Variants in ITIH1 observed in about 807,000 individuals in gnomAD.
ITIH1 encodes the protein inter-alpha-trypsin inhibitor heavy chain 1, also known as inter-alpha-trypsin inhibitor heavy chain H1.
In ITIH1, 94 loss-of-function variants were observed where a neutral mutation model predicts 104.6. The ratio of observed to expected loss-of-function variants is 0.90; its 90% CI spans 0.76 to 1.07. ITIH1 has a LOEUF of 1.07. ITIH1 is among the 50% of genes least tolerant of loss of function. The pLI is 0.00. For synonymous variants in ITIH1, 455 were observed against 464.4 expected (o/e 0.98, Z 0.26); for missense variants, 1,193 against 1,181.4 (o/e 1.01, Z -0.14).
intron 10 of ITIH1, 102 bp downstream of exon 10, chr3:52,783,441 G>A (rs1393381069): frequency 4.5e-6 from 6 of 1,339,652 alleles, no homozygotes; most frequent in East Asian, 5.0e-5. Flanking sequence ...CCATCAGGGG[G>A]CAGAAAAGCT....
In ITIH1 at chr3:52,777,746, C is replaced by A. The variant is rs1578726245; in HGVS notation, c.117+14C>A. The A allele has an allele frequency of 6.4e-7, 1 of 1,561,056 alleles. No individual in the cohort carries two copies. Reference sequence around the variant, plus strand: ...AAGAGCAGCGAGGTATATGGCTAAGCCCACAGGGCAGAAATAGGCAGCTGA... The same window carrying A: ...AAGAGCAGCGAGGTATATGGCTAAGACCACAGGGCAGAAATAGGCAGCTGA... On this transcript the variant is annotated intron_variant, in intron 1 of 21. Coordinates refer to ENST00000273283, the MANE Select transcript of ITIH1 (RefSeq NM_002215.4).
Position 52,779,997 on chromosome 3 carries a change from G to A in ITIH1, c.574-272G>A. On this transcript the variant is annotated intron_variant, in intron 5 of 21. Transcript: ENST00000273283. This position sits in a 1 kb window ranked among gnomAD's most constrained non-coding sequence, Gnocchi z 4.4. ...ACACCTTCATTTGGTCAGTATTTTT[G>A]GAGTGCCTACTGAGTACCAGGCCCT... 7.2e-7 allele frequency: 1 copy of A among 1,395,332 alleles called. No individual in the cohort carries two copies. The highest frequency in any genetic ancestry group is 2.7e-5 in the East Asian group (1 of 37,436). The allele number at this position is 1,395,332 out of a possible 1,614,324, so 86.4% of individuals were successfully genotyped here.
In ITIH1 at chr3:52,779,520, GT is replaced by G; in HGVS notation, c.500del (p.Val167GlyfsTer2). On this transcript the variant is annotated frameshift_variant, in exon 5 of 22. Coordinates refer to ENST00000273283, the MANE Select transcript of ITIH1 (RefSeq NM_002215.4). LOFTEE classifies it high-confidence loss of function. The surrounding 1 kb of genome is among the most constrained non-coding windows in gnomAD (Gnocchi z 4.4). ...CACGTTTCAGCTGACTTATGAGGAA[GT>G]GCTGAAGAGAAACCATATGCAGTAT... ...KVTFQLTYEE[V>X]LKRNHMQYEI... The G allele has an allele frequency of 6.2e-7, 1 of 1,614,240 alleles. No individual in the cohort carries two copies. The highest frequency in any genetic ancestry group is 1.1e-5 in the South Asian group (1 of 91,084).
rs1324688732 is a variant in ITIH1, at chr3:52,789,643, T to C, written c.2120-10T>C. The C allele has an allele frequency of 6.2e-7, 1 of 1,613,732 alleles. No homozygotes were observed. Among genetic ancestry groups the C allele is most frequent in the East Asian group, 2.2e-5 (1 of 44,864 alleles). ...CTTCCCAACCCGGATGCCCTCTTGC[T>C]CCATTGCAGGCTTCTCAGTGAATGG... On this transcript the variant is annotated splice_polypyrimidine_tract_variant and intron_variant, in intron 18 of 21. Transcript: ENST00000273283.
At chr3:52,788,147 T>C in intron 17 of ITIH1, 81 bp downstream of exon 17, 2 of 1,520,140 alleles carry the variant, frequency 1.3e-6, no homozygotes, top group Non-Finnish European at 1.8e-6. Flanking sequence ...TGTCTCTCTC[T>C]GGGACCTGCC....
In ITIH1 at chr3:52,787,195, G is replaced by C. The variant is rs145798485; in HGVS notation, c.1896G>C (p.Pro632=). 2 of 1,614,004 alleles carry C rather than the reference G, an allele frequency of 1.2e-6. No individual in the cohort carries two copies. Among genetic ancestry groups the C allele is most frequent in the Non-Finnish European group, 1.7e-6 (2 of 1,180,024 alleles). ...PTIDKPSEDS[P]PLEMLGPRRT... The stretch of plus-strand genomic sequence containing the variant: ...TCTTTCTCTCCCTTCCAGATTCTCC[G>C]CCTTTGGGTGAGTTTTAAATTGCAT... Residue 632 remains proline (P), a synonymous_variant, in exon 15 of 22, where the codon CCG becomes CCC. Transcript: ENST00000273283.
chr3:52,791,820 G>A lies in ITIH1; in HGVS notation c.2645G>A (p.Gly882Glu), dbSNP rs1699367055. ...QKDYSKDPWH[G>E]AEVSCWFIHN... ...GACTACAGCAAGGACCCGTGGCATG[G>A]GGCCGAGGTGTCCTGCTGGTTCATT... Residue 882 changes from glycine to glutamate, a missense_variant, in exon 22 of 22, where the codon GGG (glycine) becomes GAG (glutamate). Transcript: ENST00000273283. The A allele has an allele frequency of 6.2e-7, 1 of 1,614,042 alleles. No homozygotes were observed. The highest frequency in any genetic ancestry group is 1.3e-5 in the African/African-American group (1 of 74,942).
chr3:52,782,135 T>C lies in ITIH1; in HGVS notation c.814-16T>C. 6.2e-7 allele frequency: 1 copy of C among 1,614,148 alleles called. No individual in the cohort carries two copies. The highest frequency in any genetic ancestry group is 8.5e-7 in the Non-Finnish European group (1 of 1,179,984). On this transcript the variant is annotated splice_polypyrimidine_tract_variant and intron_variant, in intron 7 of 21. Transcript: ENST00000273283. Reference sequence around the variant, plus strand: ...GGTGCTGTGAGAGTGGCCTCACTCGTTCTCCTCTATTTCAGGTGGCCAATA... The same window carrying C: ...GGTGCTGTGAGAGTGGCCTCACTCGCTCTCCTCTATTTCAGGTGGCCAATA...
intron 10 of ITIH1, among the ~76,000 whole-genome samples, chr3:52,783,967 T>C (rs1365886751): frequency 6.6e-6 from 1 of 152,062 alleles, no homozygotes; most frequent in East Asian, 1.9e-4. Context: ...GCCCGGGAAC[T>C]GTGGGCATGT....
intron 18 of ITIH1, among the ~76,000 whole-genome samples, chr3:52,789,339 G>A (rs758044186): frequency 1.3e-5 from 2 of 152,106 alleles, no homozygotes; most frequent in African/African-American, 2.4e-5. Flanking sequence ...AGCACAATGG[G>A]AGCCTGTCCC....
In ITIH1 at chr3:52,786,408, C is replaced by T. The variant is rs1199949618; in HGVS notation, c.1707C>T (p.Leu569=). 6.3e-7 allele frequency: 1 copy of T among 1,586,262 alleles called. No individual in the cohort carries two copies. The highest frequency in any genetic ancestry group is 8.6e-7 in the Non-Finnish European group (1 of 1,166,054). ...ACGTCGAGCGCCTCTGGGCCTACCT[C>T]ACCATCCAGGAGCTGCTGGCCAAGC... ...ENHVERLWAY[L]TIQELLAKRM... is the part of the protein sequence containing the mutation. Residue 569 remains leucine, a synonymous_variant, in exon 13 of 22, where the codon CTC becomes CTT. Coordinates refer to ENST00000273283, the MANE Select transcript of ITIH1 (RefSeq NM_002215.4).
chr3:52,785,339 T>A, intron 12 of ITIH1, 110 bp downstream of exon 12: 1 of 1,031,672 alleles, frequency 9.7e-7, no homozygotes, highest in East Asian at 2.5e-5. Context: ...TTCCCCAGAG[T>A]AGTACCCTCA....
rs370278205 is a variant in ITIH1 at position 52,790,891 on chromosome 3, C to T, written c.2464C>T (p.Arg822Trp). Reference sequence around the variant, plus strand: ...GGGCTTCTATGTGCTGGACAGTCATCGGATGTCAGCCCGGACGCACGGGCT... The same window carrying T: ...GGGCTTCTATGTGCTGGACAGTCATTGGATGTCAGCCCGGACGCACGGGCT... ...FLGFYVLDSH[R>W]MSARTHGLLG... The change falls in exon 20 of 22, where the codon CGG becomes TGG. Residue 822 changes from arginine to tryptophan, a missense_variant. Coordinates refer to ENST00000273283, the MANE Select transcript of ITIH1 (RefSeq NM_002215.4). 7.4e-5 allele frequency: 119 copies of T among 1,607,670 alleles called. No homozygotes were observed. The highest frequency in any genetic ancestry group is 9.3e-5 in the Non-Finnish European group (110 of 1,177,830).
chr3:52,783,457 C>T, intron 10 of ITIH1, 118 bp downstream of exon 10: 1 of 1,081,376 alleles, frequency 9.2e-7, no homozygotes, highest in Non-Finnish European at 1.3e-6. Context: ...AAGCTCAGGG[C>T]AAAATCAAGC....
Position 52,787,208 on chromosome 3 carries a change from T to C in ITIH1, c.1903+6T>C. On this transcript the variant is annotated splice_donor_region_variant and intron_variant, in intron 15 of 21. Coordinates refer to ENST00000273283, the MANE Select transcript of ITIH1 (RefSeq NM_002215.4). ...TCCAGATTCTCCGCCTTTGGGTGAG[T>C]TTTAAATTGCATTAGTTTCAGTTCT... 6.2e-7 allele frequency: 1 copy of C among 1,613,758 alleles called. No individual in the cohort carries two copies. The highest frequency in any genetic ancestry group is 8.5e-7 in the Non-Finnish European group (1 of 1,179,984).
At position 52,783,000 on chromosome 3, in the gene ITIH1, G is replaced by T; in HGVS notation, c.974G>T (p.Gly325Val). Residue 325 changes from glycine (G) to valine (V), a missense_variant, in exon 9 of 22, where the codon GGG (glycine) becomes GTG (valine). Physicochemically the swap from Gly to Val is moderately radical, Grantham distance 109 (BLOSUM62 -3). Transcript: ENST00000273283. ...AAAATTCTGGGGGACATGCAGCCAGGGGACTACTTTGACCTGGTTCTTTTT... is the reference window on the plus strand; with the variant it reads ...AAAATTCTGGGGGACATGCAGCCAGTGGACTACTTTGACCTGGTTCTTTTT... ...LLKILGDMQP[G>V]DYFDLVLFGT... 6.2e-7 allele frequency: 1 copy of T among 1,614,096 alleles called. No individual in the cohort carries two copies. Among genetic ancestry groups the T allele is most frequent in the South Asian group, 1.1e-5 (1 of 91,076 alleles).
At chr3:52,787,900 A>C (rs1372982643) in intron 16 of ITIH1, 86 bp from the exon 17 acceptor site, 17 of 1,328,892 alleles carry the variant, frequency 1.3e-5, no homozygotes, top group Non-Finnish European at 1.7e-5. Flanking sequence ...CAGCCCCACC[A>C]GTGAGGAAAG....
intron 18 of ITIH1, among the ~76,000 whole-genome samples, chr3:52,788,599 T>G (rs1699266879): frequency 6.6e-6 from 1 of 150,634 alleles, no homozygotes; most frequent in African/African-American, 2.4e-5. Context: ...CTTGCTCTGT[T>G]GCCCAGGCTG....
chr3:52,791,994 C>T lies in ITIH1; in HGVS notation c.*83C>T. On this transcript the variant is annotated 3_prime_UTR_variant, in exon 22 of 22. Transcript: ENST00000273283. ...ATCCTGACCTGCTGCTGAGGCTGTA[C>T]CTCCTTGACTAAGCTGGTTCCTTGT... 1 of 1,440,888 alleles carries T rather than the reference C, an allele frequency of 6.9e-7. No homozygotes were observed. The highest frequency in any genetic ancestry group is 1.4e-5 in the African/African-American group (1 of 70,868). 89.3% of individuals were successfully genotyped at this position (1,440,888 alleles called of 1,614,324 possible). A position where few individuals can be genotyped will look rare whatever the true frequency, so the allele number is the denominator to read the frequency against.
Sources: allele counts gnomAD v4.1 joint callset (sites outside exome capture counted in the v4.1 genomes callset), GRCh38; gene constraint gnomAD v4.1.1; non-coding constraint Gnocchi (gnomAD v3.1); transcripts MANE v1.5; gene names NCBI Gene and HGNC (gene_info 2026-07-23, HGNC 2026-07-21).